ENOSF1: variants seen among roughly 807,000 people sequenced by gnomAD.
ENOSF1 encodes the protein enolase superfamily member 1, also known as mitochondrial enolase superfamily member 1.
A neutral mutation model predicts 68.2 loss-of-function variants in ENOSF1; 73 were observed. The observed-to-expected ratio is 1.07, with a 90% CI of 0.89 to 1.30. The LOEUF is 1.30. Among genes scored for constraint, ENOSF1 ranks in the 50% most tolerant of loss-of-function variants. ENOSF1 has a pLI of 0.00. For synonymous variants in ENOSF1, 223 were observed against 210.4 expected (o/e 1.06, Z -0.52); for missense variants, 589 against 554.5 (o/e 1.06, Z -0.62).
rs746715137 is a variant in ENOSF1, at chr18:677,437, A to G, written c.1056T>C (p.Val352=). 1 of 1,612,434 alleles carries G rather than the reference A, an allele frequency of 6.2e-7. No homozygotes were observed. Among genetic ancestry groups the G allele is most frequent in the Non-Finnish European group, 8.5e-7 (1 of 1,179,656 alleles). Reference sequence around the variant, plus strand: ...GGCCAACTCCACCAGCATGGGGGCAAACAGGAACTAAAAGGAAATCGTTTC... The same window carrying G: ...GGCCAACTCCACCAGCATGGGGGCAGACAGGAACTAAAAGGAAATCGTTTC... ...LLMAKKFEIP[V]CPHAGGVGLC... is the part of the protein sequence containing the mutation. Residue 352 remains valine, a synonymous_variant, in exon 14 of 16, where the codon GTT becomes GTC. Transcript: ENST00000647584.
chr18:701,108 G>T (rs2078296500), intron 2 of ENOSF1, among the ~76,000 whole-genome samples: 1 of 152,072 alleles, frequency 6.6e-6, no homozygotes, highest in African/African-American at 2.4e-5. Context: ...GGTGTCTGAA[G>T]TAAGAGTGGT....
chr18:690,963 C>T, intron 7 of ENOSF1, 105 bp downstream of exon 7: 3 of 1,348,210 alleles, frequency 2.2e-6, no homozygotes, highest in Non-Finnish European at 2.1e-6. Context: ...CCTAGCTGCT[C>T]AGCACAGGGC....
intron 1 of ENOSF1, among the ~76,000 whole-genome samples, chr18:710,593 A>G (rs1430246721): frequency 6.6e-6 from 1 of 151,934 alleles, no homozygotes; most frequent in Non-Finnish European, 1.5e-5. Context: ...TAGCTCATGT[A>G]ATTGAATTCC....
chr18:674,923 CTT>C (rs1056559060), intron 15 of ENOSF1, among the ~76,000 whole-genome samples: 3 of 152,206 alleles, frequency 2.0e-5, no homozygotes, highest in Non-Finnish European at 4.4e-5. Context: ...TCATCAAACT[CTT>C]TGATAATAGT....
intron 1 of ENOSF1, chr18:707,641 G>A (rs543424449): frequency 6.6e-6 from 1 of 152,268 alleles, no homozygotes; most frequent in East Asian, 1.9e-4. Flanking sequence ...TCATAAAGAA[G>A]AATTGTGCAT....
Position 682,922 on chromosome 18 carries a change from C to CAAA in ENOSF1, c.876+321_876+323dup, listed in dbSNP as rs71174270. ...CAAAACAAAAAAAACCACCAAAAAA[C>CAAA]AAAAAAAAAAAATGCTGTCACATTT... On this transcript the variant is annotated intron_variant, in intron 11 of 15. Transcript: ENST00000647584. 1.6e-3 allele frequency: 305 copies of CAAA among 193,574 alleles called. 2 individuals are homozygous for CAAA. Among genetic ancestry groups the CAAA allele is most frequent in the Non-Finnish European group, 1.3e-3 (129 of 97,926 alleles). The allele number at this position is 193,574 out of a possible 1,614,324, so 12.0% of individuals were successfully genotyped here. A position where few individuals can be genotyped will look rare whatever the true frequency, so the allele number is the denominator to read the frequency against.
In ENOSF1 at chr18:686,144, T is replaced by C. The variant is rs561546770; in HGVS notation, c.654-136A>G. ...TTAGTAACCTCTTGCTCTTTCCTCA[T>C]CTTCAGATAAGTCACTTGAAATAAA... is the stretch of plus-strand genomic sequence containing the variant. On this transcript the variant is annotated intron_variant, in intron 9 of 15. Transcript: ENST00000647584. 13 of 670,552 alleles carry C rather than the reference T, an allele frequency of 1.9e-5. No homozygotes were observed. In the African/African-American group the frequency reaches 2.0e-4, roughly 10 times the overall value. The allele number at this position is 670,552 out of a possible 1,614,324, so 41.5% of individuals were successfully genotyped here.
At chr18:677,592 A>G in intron 13 of ENOSF1, 148 bp from the exon 14 acceptor site, 1 of 1,305,744 alleles carries the variant, frequency 7.7e-7, no homozygotes, top group Non-Finnish European at 1.1e-6. Context: ...AAAATCATCA[A>G]AAATTCCCGG....
At chr18:710,070 G>C (rs1261262905) in intron 1 of ENOSF1, among the ~76,000 whole-genome samples, 1 of 152,172 alleles carries the variant, frequency 6.6e-6, no homozygotes, top group African/African-American at 2.4e-5. Flanking sequence ...ACATCACTCA[G>C]GCCCAGAGGC....
intron 9 of ENOSF1, chr18:688,304 G>C (rs753392690): frequency 2.3e-6 from 1 of 444,386 alleles, no homozygotes; most frequent in African/African-American, 2.0e-5. Flanking sequence ...TGACAGTAAA[G>C]ACTGGATTTC....
chr18:701,574 G>A lies in ENOSF1; in HGVS notation c.194-4219C>T, dbSNP rs563446090. Among the ~76,000 whole-genome samples the A allele has an allele frequency of 4.3e-4, 66 of 152,076 alleles. 1 individual carries two copies. The highest frequency in any genetic ancestry group is 8.3e-4 in the South Asian group (4 of 4,816). On this transcript the variant is annotated intron_variant, in intron 2 of 15. Coordinates refer to ENST00000647584, the MANE Select transcript of ENOSF1 (RefSeq NM_017512.7). ...GTTCGAGACCATCCTGGCTAACATG[G>A]TGAAACCCCATCTCTACTAAAAATA...
At position 712,599 on chromosome 18, in the gene ENOSF1, C is replaced by A. The variant is rs1201204850; in HGVS notation, c.-12G>T. 5.2e-6 allele frequency: 8 copies of A among 1,532,830 alleles called. No homozygotes were observed. The Admixed American group carries it at 5.9e-5, about 11-fold the overall frequency. 95.0% of individuals were successfully genotyped at this position (1,532,830 alleles called of 1,614,324 possible). A position where few individuals can be genotyped will look rare whatever the true frequency, so the allele number is the denominator to read the frequency against. The stretch of plus-strand genomic sequence containing the variant: ...CTGCCGCGCACCATGGCCCCTGCGC[C>A]CCGTGGCCGCGGCCCCCGTGCGGTC... On this transcript the variant is annotated 5_prime_UTR_variant, in exon 1 of 16. Coordinates refer to ENST00000647584, the MANE Select transcript of ENOSF1 (RefSeq NM_017512.7).
Position 677,385 on chromosome 18 carries a change from T to C in ENOSF1, c.1108A>G (p.Ile370Val), listed in dbSNP as rs2075618360. ...GCAGAAACTGATATGTAGTCAAATA[T>C]AATCAGGTGCTGCACCAGTTCACAG... The part of the protein sequence containing the change: ...GLCELVQHLI[I>V]FDYISVSASL... The change falls in exon 14 of 16, where the codon ATA (isoleucine) becomes GTA (valine). Residue 370 changes from isoleucine (I) to valine (V), a missense_variant. Transcript: ENST00000647584. The C allele has an allele frequency of 6.2e-7, 1 of 1,613,788 alleles. No individual in the cohort carries two copies. Among genetic ancestry groups the C allele is most frequent in the African/African-American group, 1.3e-5 (1 of 75,012 alleles).
At chr18:691,484 TC>T in intron 5 of ENOSF1, 1 of 536,394 alleles carries the variant, frequency 1.9e-6, no homozygotes, top group Non-Finnish European at 3.3e-6. Context: ...TAGCTGGGAC[TC>T]CAGGTATGTG....
chr18:668,012 A>G (rs1190836970), downstream of ENOSF1, among the ~76,000 whole-genome samples: 1 of 44,938 alleles, frequency 2.2e-5, no homozygotes, highest in Non-Finnish European at 3.8e-5. Context: ...TTTTTTTTTT[A>G]ATGCACAGAA....
At chr18:691,142 GA>G in intron 6 of ENOSF1, 36 bp from the exon 7 acceptor site, 1 of 1,613,910 alleles carries the variant, frequency 6.2e-7, no homozygotes, top group Non-Finnish European at 8.5e-7. Context: ...ACTCTTTTAG[GA>G]AACAAAGCAT....
In ENOSF1 at chr18:672,817, G is replaced by C. The variant is rs774123981; in HGVS notation, c.*1488C>G. ...CGGACATGAGGAGCAATTACAACAGGTCGTACAATTATGGCAAAATAATGG... is the reference window on the plus strand; with the variant it reads ...CGGACATGAGGAGCAATTACAACAGCTCGTACAATTATGGCAAAATAATGG... On this transcript the variant is annotated 3_prime_UTR_variant, in exon 16 of 16. Coordinates refer to ENST00000647584, the MANE Select transcript of ENOSF1 (RefSeq NM_017512.7). The C allele has an allele frequency of 6.5e-7, 1 of 1,535,702 alleles. No individual in the cohort carries two copies. Among genetic ancestry groups the C allele is most frequent in the Non-Finnish European group, 8.9e-7 (1 of 1,126,814 alleles).
chr18:711,590 C>G (rs1307839119), intron 1 of ENOSF1, among the ~76,000 whole-genome samples: 1 of 152,196 alleles, frequency 6.6e-6, no homozygotes, highest in Non-Finnish European at 1.5e-5. Context: ...GGAACAGGCT[C>G]CCTGAAAACC....
intron 3 of ENOSF1, among the ~76,000 whole-genome samples, chr18:695,018 T>C (rs191302280): frequency 6.6e-6 from 1 of 152,330 alleles, no homozygotes; most frequent in Admixed American, 6.5e-5. Flanking sequence ...ATAACATTGA[T>C]AGAATATTGC....
Sources: allele counts gnomAD v4.1 joint callset (sites outside exome capture counted in the v4.1 genomes callset), GRCh38; gene constraint gnomAD v4.1.1; transcripts MANE v1.5; gene names NCBI Gene and HGNC (gene_info 2026-07-23, HGNC 2026-07-21).